Variants in EXT1 observed in about 807,000 individuals in gnomAD.
EXT1 encodes the protein exostosin glycosyltransferase 1.
EXT1 carries 20 observed loss-of-function variants against 82.5 expected under a neutral mutation model. The ratio of observed to expected loss-of-function variants is 0.24; its 90% CI spans 0.17 to 0.35. The LOEUF is 0.35. EXT1 is among the 10% of genes least tolerant of loss of function. The pLI, the probability that EXT1 is intolerant of heterozygous loss-of-function variation, is 1.00. For missense variants in EXT1, 757 were observed against 936.5 expected (o/e 0.81, Z 2.50); for synonymous variants, 348 against 350.8 (o/e 0.99, Z 0.09).
intron 1 of EXT1, among the ~76,000 whole-genome samples, chr8:117,991,408 A>C (rs1586329380): frequency 6.6e-6 from 1 of 152,160 alleles, no homozygotes; most frequent in African/African-American, 2.4e-5. Flanking sequence ...ATTTCTGTAC[A>C]TAAGGTGGTT....
At chr8:117,841,335 A>G (rs943995261) in intron 1 of EXT1, among the ~76,000 whole-genome samples, 5 of 152,204 alleles carry the variant, frequency 3.3e-5, no homozygotes, top group African/African-American at 9.6e-5. Context: ...AATCCTTTCT[A>G]TATGACATTC....
At chr8:118,089,956 G>T (rs1817492699) in intron 1 of EXT1, among the ~76,000 whole-genome samples, 1 of 152,238 alleles carries the variant, frequency 6.6e-6, no homozygotes, top group Non-Finnish European at 1.5e-5. Flanking sequence ...AGGTGACTCA[G>T]ACTGGAGGCA....
At chr8:117,887,923 TAAAA>T (rs1374124378) in intron 1 of EXT1, among the ~76,000 whole-genome samples, 3 of 151,650 alleles carry the variant, frequency 2.0e-5, no homozygotes, top group Admixed American at 6.6e-5. Flanking sequence ...CTGCCTCTAC[TAAAA>T]ATACAAAATT....
At chr8:117,851,262 C>A (rs1812447540) in intron 1 of EXT1, among the ~76,000 whole-genome samples, 1 of 150,636 alleles carries the variant, frequency 6.6e-6, no homozygotes, top group African/African-American at 2.4e-5. Flanking sequence ...GGGGCAGAAC[C>A]AAGATAAAAA....
chr8:117,907,296 C>A (rs557912363), intron 1 of EXT1, among the ~76,000 whole-genome samples: 9 of 152,214 alleles, frequency 5.9e-5, no homozygotes, highest in African/African-American at 2.2e-4. Context: ...TTCTCTCCAC[C>A]CTCACCCTTA....
chr8:117,937,003 T>A (rs1187315359), intron 1 of EXT1, among the ~76,000 whole-genome samples: 1 of 152,204 alleles, frequency 6.6e-6, no homozygotes, highest in Non-Finnish European at 1.5e-5. Flanking sequence ...ACACAGGAGA[T>A]GGAAAACACC....
At chr8:118,094,207 TTTTGTAATA>T (rs1817569940) in intron 1 of EXT1, among the ~76,000 whole-genome samples, 3 of 152,296 alleles carry the variant, frequency 2.0e-5, no homozygotes, top group African/African-American at 7.2e-5. Flanking sequence ...AACATAATAC[TTTTGTAATA>T]GGAGAACGAA....
In EXT1 at chr8:117,796,760, T is replaced by C. The variant is rs1823095182; in HGVS notation, c.*2952A>G. 1.3e-5 allele frequency: 2 copies of C among 152,198 alleles called. No homozygotes were observed. Among genetic ancestry groups the C allele is most frequent in the South Asian group, 4.1e-4 (2 of 4,832 alleles). 9.4% of individuals were successfully genotyped at this position (152,198 alleles called of 1,614,324 possible). A position where few individuals can be genotyped will look rare whatever the true frequency, so the allele number is the denominator to read the frequency against. On this transcript the variant is annotated 3_prime_UTR_variant, in exon 11 of 11. Coordinates refer to ENST00000378204, the MANE Select transcript of EXT1 (RefSeq NM_000127.3). ...ATGACTATCGTGATTATTTCATGGA[T>C]TTTTCTCTACAGTCTCAATTTTGAG...
chr8:118,039,572 AAAAAAAAAAT>A (rs1563637115), intron 1 of EXT1, among the ~76,000 whole-genome samples: 1 of 151,120 alleles, frequency 6.6e-6, no homozygotes, highest in Admixed American at 6.6e-5. Flanking sequence ...AAAAAAAAAA[AAAAAAAAAAT>A]AAGATCCAGA....
intron 4 of EXT1, 94 bp from the exon 5 acceptor site, chr8:117,822,691 C>A: frequency 7.0e-7 from 1 of 1,436,442 alleles, no homozygotes; most frequent in South Asian, 1.2e-5. Context: ...TGGTGGCAGT[C>A]AGAGTAGTGA....
chr8:117,922,755 G>C (rs893038565), intron 1 of EXT1, among the ~76,000 whole-genome samples: 4 of 152,156 alleles, frequency 2.6e-5, no homozygotes, highest in Non-Finnish European at 5.9e-5. Context: ...TGTCTGGACA[G>C]GGCTCAGGCA....
intron 1 of EXT1, among the ~76,000 whole-genome samples, chr8:117,877,199 G>A (rs1281288058): frequency 6.6e-6 from 1 of 152,160 alleles, no homozygotes; most frequent in African/African-American, 2.4e-5. Context: ...AAAACCGGAG[G>A]CCGGCGCAAC....
intron 1 of EXT1, among the ~76,000 whole-genome samples, chr8:117,991,536 C>T (rs1485764870): frequency 6.6e-6 from 1 of 151,868 alleles, no homozygotes; most frequent in Non-Finnish European, 1.5e-5. Context: ...TGGCAACTAC[C>T]CTACTGGAGT....
At chr8:117,981,582 C>T (rs1467064065) in intron 1 of EXT1, among the ~76,000 whole-genome samples, 1 of 152,152 alleles carries the variant, frequency 6.6e-6, no homozygotes. Context: ...TTCTGCTGGG[C>T]ATGGTGGCTC....
chr8:118,022,130 G>T (rs902704593), intron 1 of EXT1, among the ~76,000 whole-genome samples: 1 of 151,838 alleles, frequency 6.6e-6, no homozygotes, highest in African/African-American at 2.4e-5. Context: ...CAAAATTCCA[G>T]GTAAACCAAC....
intron 1 of EXT1, among the ~76,000 whole-genome samples, chr8:118,053,489 T>C (rs1431394114): frequency 2.6e-5 from 4 of 152,352 alleles, no homozygotes; most frequent in South Asian, 2.1e-4. Flanking sequence ...ATTTTCCACA[T>C]TGATCTTTCA....
chr8:117,971,545 T>C (rs977230260), intron 1 of EXT1, among the ~76,000 whole-genome samples: 6 of 152,320 alleles, frequency 3.9e-5, no homozygotes, highest in African/African-American at 1.2e-4. Context: ...ACATTACTCT[T>C]TGAGCTTTAT....
intron 1 of EXT1, among the ~76,000 whole-genome samples, chr8:117,965,127 G>A (rs1035173481): frequency 6.6e-6 from 1 of 151,956 alleles, no homozygotes; most frequent in African/African-American, 2.4e-5. Context: ...GTAGTGTCTT[G>A]TTTTTTTGTT....
At chr8:118,059,267 C>T (rs1028432192) in intron 1 of EXT1, among the ~76,000 whole-genome samples, 1 of 152,148 alleles carries the variant, frequency 6.6e-6, no homozygotes, top group African/African-American at 2.4e-5. Flanking sequence ...CTGAATCATA[C>T]AACTGTCAAC....
Sources: allele counts gnomAD v4.1 joint callset (sites outside exome capture counted in the v4.1 genomes callset), GRCh38; gene constraint gnomAD v4.1.1; transcripts MANE v1.5; gene names NCBI Gene and HGNC (gene_info 2026-07-23, HGNC 2026-07-21).